MYBPC1: variants seen among roughly 807,000 people sequenced by gnomAD.
MYBPC1 encodes myosin-binding protein C, slow-type.
In MYBPC1, 52 loss-of-function variants were observed where a neutral mutation model predicts 147.1. That is an observed-to-expected ratio of 0.35 (90% confidence interval 0.28 to 0.45). MYBPC1 has a LOEUF of 0.45. MYBPC1 is among the 20% of genes least tolerant of loss of function. MYBPC1 has a pLI of 1.00. For synonymous variants in MYBPC1, 477 were observed against 475.9 expected (o/e 1.00, Z -0.03); for missense variants, 1,228 against 1,440.3 (o/e 0.85, Z 2.39).
In MYBPC1 at chr12:101,654,851, C is replaced by G. The variant is rs145563454; in HGVS notation, c.1767+1603C>G. ...TGCCTTGGTTGCAGGAATAATTAACCCTAGACTGAGCACTGTCATGGACCC... is the reference window on the plus strand; with the variant it reads ...TGCCTTGGTTGCAGGAATAATTAACGCTAGACTGAGCACTGTCATGGACCC... On this transcript the variant is annotated intron_variant, in intron 18 of 31. Transcript: ENST00000361466. Among the ~76,000 whole-genome samples, 685 of 152,184 alleles carry G rather than the reference C, an allele frequency of 4.5e-3. 3 individuals carry two copies. The highest frequency in any genetic ancestry group is 0.016 in the African/African-American group (655 of 41,526).
At position 101,653,190 on chromosome 12, in the gene MYBPC1, T is replaced by A; in HGVS notation, c.1709T>A (p.Leu570His). ...VTVIAGNKLR[L>H]EIPISGEPPP... is the part of the protein sequence containing the mutation. ...GTGATTGCAGGAAACAAGCTTCGTC[T>A]TGAGATCCCCATCAGCGGAGAACCA... is the stretch of plus-strand genomic sequence containing the variant. Residue 570 changes from leucine to histidine, a missense_variant, in exon 18 of 32, where the codon CTT (leucine) becomes CAT (histidine). Physicochemically the swap from Leu to His is moderately conservative, Grantham distance 99 (BLOSUM62 -3). Transcript: ENST00000361466. The A allele has an allele frequency of 6.2e-7, 1 of 1,614,154 alleles. No individual in the cohort carries two copies. The highest frequency in any genetic ancestry group is 8.5e-7 in the Non-Finnish European group (1 of 1,180,040).
At chr12:101,647,252 A>T (rs1231582451) in intron 13 of MYBPC1, among the ~76,000 whole-genome samples, 1 of 152,222 alleles carries the variant, frequency 6.6e-6, no homozygotes, top group African/African-American at 2.4e-5. Flanking sequence ...ACTGAAAATT[A>T]TCATTTACTA....
chr12:101,601,751 G>A (rs1880078453), intron 1 of MYBPC1, among the ~76,000 whole-genome samples: 1 of 151,812 alleles, frequency 6.6e-6, no homozygotes, highest in South Asian at 2.1e-4. Context: ...TGTGTATTTA[G>A]CTATTTTGGT....
At chr12:101,666,492 C>A (rs1046275124) in intron 22 of MYBPC1, 9 of 462,242 alleles carry the variant, frequency 1.9e-5, no homozygotes, top group South Asian at 1.9e-4. Context: ...CTCCTCTTCT[C>A]TATTCTTTTC....
chr12:101,636,573 C>T lies in MYBPC1; in HGVS notation c.609-99C>T, dbSNP rs1198012206. 10 of 955,840 alleles carry T rather than the reference C, an allele frequency of 1.0e-5. No homozygotes were observed. In the Admixed American group the frequency reaches 1.8e-4, roughly 17 times the overall value. The allele number at this position is 955,840 out of a possible 1,614,324, so 59.2% of individuals were successfully genotyped here. ...TTGTGTTGATTTAGTCCTTGTGTGG[C>T]ACAAAATTGCATATACGTTACATGT... On this transcript the variant is annotated intron_variant, in intron 9 of 31. Coordinates refer to ENST00000361466, the MANE Select transcript of MYBPC1 (RefSeq NM_002465.4).
intron 1 of MYBPC1, chr12:101,600,300 C>T (rs949957996): frequency 4.9e-5 from 7 of 142,622 alleles, no homozygotes; most frequent in African/African-American, 1.8e-4. Flanking sequence ...AGCCTTGAAA[C>T]TTTTTTTTTT....
At chr12:101,678,783 C>T (rs575358605) in intron 28 of MYBPC1, among the ~76,000 whole-genome samples, 1 of 152,294 alleles carries the variant, frequency 6.6e-6, no homozygotes, top group South Asian at 2.1e-4. Context: ...TAGAGATGTA[C>T]ATATCCCTGG....
intron 10 of MYBPC1, among the ~76,000 whole-genome samples, chr12:101,639,328 G>A (rs750918284): frequency 2.5e-4 from 38 of 152,150 alleles, no homozygotes; most frequent in Admixed American, 1.0e-3. Flanking sequence ...ACAGAAATTT[G>A]GCTTTTTCTC....
At chr12:101,663,830 T>A (rs918579817) in intron 22 of MYBPC1, among the ~76,000 whole-genome samples, 1 of 152,148 alleles carries the variant, frequency 6.6e-6, no homozygotes, top group Admixed American at 6.5e-5. Context: ...GTAACAAAAC[T>A]TTGGGGACTT....
downstream of MYBPC1, among the ~76,000 whole-genome samples, chr12:101,688,079 G>A (rs757370874): frequency 2.0e-5 from 3 of 151,914 alleles, no homozygotes; most frequent in Admixed American, 6.6e-5. Flanking sequence ...AAAAAATTAC[G>A]TATCACAGGA....
At position 101,599,838 on chromosome 12, in the gene MYBPC1, A is replaced by T. The variant is rs143076001; in HGVS notation, c.25+4743A>T. On this transcript the variant is annotated intron_variant, in intron 1 of 31. Coordinates refer to ENST00000361466, the MANE Select transcript of MYBPC1 (RefSeq NM_002465.4). ...ATATTTTTTCCTCCTGAGAAAAACC[A>T]CCATGCTGTGCTGGAGATTCATGGC... 2.2e-3 allele frequency among the ~76,000 whole-genome samples: 329 copies of T among 152,328 alleles called. 1 individual carries two copies. The highest frequency in any genetic ancestry group is 7.4e-3 in the African/African-American group (307 of 41,582).
chr12:101,659,555 A>G, intron 18 of MYBPC1, 117 bp from the exon 19 acceptor site: 1 of 1,062,346 alleles, frequency 9.4e-7, no homozygotes, highest in Non-Finnish European at 1.4e-6. Flanking sequence ...CAAATACACT[A>G]TATAATCTAT....
chr12:101,617,307 A>G, intron 3 of MYBPC1, 64 bp downstream of exon 3: 1 of 1,522,744 alleles, frequency 6.6e-7, no homozygotes, highest in South Asian at 1.1e-5. Context: ...AGAAGTCAGT[A>G]ATGATTGTCA....
At chr12:101,668,444 C>T (rs1351910301) in intron 23 of MYBPC1, among the ~76,000 whole-genome samples, 1 of 152,056 alleles carries the variant, frequency 6.6e-6, no homozygotes, top group Non-Finnish European at 1.5e-5. Flanking sequence ...AATAAAAGGG[C>T]CAGTTTTGCC....
chr12:101,691,580 A>G, the MYBPC1 span, among the ~76,000 whole-genome samples: 1 of 152,258 alleles, frequency 6.6e-6, no homozygotes, highest in East Asian at 1.9e-4. Context: ...CTAGTAGTAA[A>G]ACTGAGAGCC....
chr12:101,635,442 A>T (rs573498421), intron 9 of MYBPC1, among the ~76,000 whole-genome samples: 2 of 152,270 alleles, frequency 1.3e-5, no homozygotes, highest in East Asian at 1.9e-4. Flanking sequence ...TTTTCCTCTG[A>T]TATTATAAAT....
chr12:101,678,243 C>G lies in MYBPC1; in HGVS notation c.3246+5C>G. The G allele has an allele frequency of 1.2e-6, 2 of 1,613,980 alleles. No individual in the cohort carries two copies. Among genetic ancestry groups the G allele is most frequent in the African/African-American group, 2.7e-5 (2 of 75,034 alleles). ...AGTGTGAGAGGAAATCCTAAGGTACCATGTTCTTCTATCACATCAGTTAAA... is the reference window on the plus strand; with the variant it reads ...AGTGTGAGAGGAAATCCTAAGGTACGATGTTCTTCTATCACATCAGTTAAA... On this transcript the variant is annotated splice_donor_5th_base_variant and intron_variant, in intron 28 of 31. Coordinates refer to ENST00000361466, the MANE Select transcript of MYBPC1 (RefSeq NM_002465.4).
chr12:101,622,733 TA>T lies in MYBPC1; in HGVS notation c.104-4130del, dbSNP rs199937512. Among the ~76,000 whole-genome samples, 696 of 151,112 alleles carry T rather than the reference TA, an allele frequency of 4.6e-3. 8 individuals carry two copies. The highest frequency in any genetic ancestry group is 0.016 in the African/African-American group (643 of 41,192). ...CTGGGCGACAGAGTGAGACTCTGTCTAAAAAAAAATTAATTAATAAATAAAA... is the reference window on the plus strand; with the variant it reads ...CTGGGCGACAGAGTGAGACTCTGTCTAAAAAAAATTAATTAATAAATAAAA... On this transcript the variant is annotated intron_variant, in intron 3 of 31. Coordinates refer to ENST00000361466, the MANE Select transcript of MYBPC1 (RefSeq NM_002465.4).
chr12:101,629,597 G>A, intron 6 of MYBPC1, 53 bp downstream of exon 6: 1 of 1,305,142 alleles, frequency 7.7e-7, no homozygotes, highest in Non-Finnish European at 1.1e-6. Context: ...GGTGAGCCGA[G>A]CACGGTGCCT....
Sources: allele counts gnomAD v4.1 joint callset (sites outside exome capture counted in the v4.1 genomes callset), GRCh38; gene constraint gnomAD v4.1.1; transcripts MANE v1.5; gene names NCBI Gene and HGNC (gene_info 2026-07-23, HGNC 2026-07-21).